Variants in CPNE3 observed in about 807,000 individuals in gnomAD.
CPNE3 encodes copine-3.
In CPNE3, 68 loss-of-function variants were observed where a neutral mutation model predicts 63.9. The ratio of observed to expected loss-of-function variants is 1.06; its 90% CI spans 0.87 to 1.30. The LOEUF (loss-of-function observed/expected upper bound fraction) is 1.30, where lower values mean the gene tolerates loss of function less well. Among genes scored for constraint, CPNE3 ranks in the 50% most tolerant of loss-of-function variants. The probability of loss-of-function intolerance (pLI) is 0.00; values close to 1 mark genes in which losing one functional copy is unlikely to be tolerated. For synonymous variants in CPNE3, 219 were observed against 197.5 expected (o/e 1.11, Z -0.91); for missense variants, 665 against 578.1 (o/e 1.15, Z -1.54).
At chr8:86,534,971 C>A (rs1465502929) in intron 6 of CPNE3, among the ~76,000 whole-genome samples, 1 of 152,182 alleles carries the variant, frequency 6.6e-6, no homozygotes, top group African/African-American at 2.4e-5. Context: ...TAATGGATTA[C>A]TTCTCATAGA....
chr8:86,541,724 A>C (rs1820946519), intron 8 of CPNE3, among the ~76,000 whole-genome samples: 2 of 150,812 alleles, frequency 1.3e-5, no homozygotes, highest in African/African-American at 4.9e-5. Context: ...AAAAAAAAAA[A>C]CTGCTTCATT....
At chr8:86,538,132 T>C (rs897459492) in intron 7 of CPNE3, among the ~76,000 whole-genome samples, 9 of 152,204 alleles carry the variant, frequency 5.9e-5, no homozygotes, top group Non-Finnish European at 1.0e-4. Flanking sequence ...CCCAGCACTT[T>C]GGGAAGCCAA....
chr8:86,530,270 A>G (rs1365989232), intron 4 of CPNE3, among the ~76,000 whole-genome samples: 1 of 151,730 alleles, frequency 6.6e-6, no homozygotes, highest in Non-Finnish European at 1.5e-5. Flanking sequence ...CCCGGGTTCA[A>G]GTGATCCTCC....
chr8:86,546,000 A>T (rs1317772844), intron 9 of CPNE3, among the ~76,000 whole-genome samples: 1 of 152,122 alleles, frequency 6.6e-6, no homozygotes, highest in Non-Finnish European at 1.5e-5. Flanking sequence ...CTAAAGATGG[A>T]TAGGGGGATA....
At chr8:86,547,810 T>A (rs749057978) in intron 11 of CPNE3, 40 bp downstream of exon 11, 7 of 920,746 alleles carry the variant, frequency 7.6e-6, no homozygotes, top group Non-Finnish European at 1.1e-5. Flanking sequence ...GGCTTTTTCC[T>A]CCATGTTGCA....
Position 86,548,318 on chromosome 8 carries a change from T to C in CPNE3, c.897T>C (p.Thr299=), listed in dbSNP as rs757425981. Residue 299 remains threonine, a synonymous_variant, in exon 12 of 17, where the codon ACT becomes ACC. Transcript: ENST00000517490. ...QLNFTVGVDF[T]GSNGDPRSPD... ...TTTGGCAGGTGGGAGTGGACTTCAC[T>C]GGCTCCAATGGTGACCCAAGGTCTC... 2.6e-5 allele frequency: 42 copies of C among 1,614,092 alleles called. No homozygotes were observed. The highest frequency in any genetic ancestry group is 3.3e-5 in the Non-Finnish European group (39 of 1,179,994).
chr8:86,545,901 T>C (rs1373391568), intron 9 of CPNE3, among the ~76,000 whole-genome samples: 1 of 152,160 alleles, frequency 6.6e-6, no homozygotes, highest in African/African-American at 2.4e-5. Context: ...AAATTTCATA[T>C]AGTTGTAGAA....
chr8:86,529,511 C>T (rs1820623065), intron 4 of CPNE3, among the ~76,000 whole-genome samples: 1 of 152,094 alleles, frequency 6.6e-6, no homozygotes, highest in Admixed American at 6.6e-5. Flanking sequence ...CTCGCAATGC[C>T]CCAATACCAT....
intron 8 of CPNE3, among the ~76,000 whole-genome samples, chr8:86,544,431 C>T (rs1239337591): frequency 1.3e-5 from 2 of 152,124 alleles, no homozygotes; most frequent in Non-Finnish European, 2.9e-5. Context: ...TGCCCTTTAT[C>T]AGCACTTATA....
intron 14 of CPNE3, among the ~76,000 whole-genome samples, chr8:86,552,932 C>CG (rs1199102158): frequency 1.4e-4 from 15 of 105,236 alleles, no homozygotes; most frequent in Non-Finnish European, 1.8e-4. Context: ...CTCCTCCTCC[C>CG]GGGTTCAAGC....
intron 14 of CPNE3, among the ~76,000 whole-genome samples, chr8:86,553,154 G>A (rs1021960563): frequency 6.6e-5 from 10 of 151,734 alleles, no homozygotes; most frequent in Non-Finnish European, 1.2e-4. Context: ...ATGAGCCACC[G>A]TGCCCAGCCC....
chr8:86,557,658 G>A (rs1007027212), intron 16 of CPNE3, among the ~76,000 whole-genome samples: 2 of 152,156 alleles, frequency 1.3e-5, no homozygotes, highest in African/African-American at 4.8e-5. Flanking sequence ...TCTTTGTGGT[G>A]TTGAGGCAGT....
chr8:86,539,135 CAG>C (rs1366394854), intron 7 of CPNE3, among the ~76,000 whole-genome samples: 1 of 152,126 alleles, frequency 6.6e-6, no homozygotes, highest in Non-Finnish European at 1.5e-5. Context: ...ATTGTTATAA[CAG>C]TGTATGCTTT....
At position 86,528,929 on chromosome 8, in the gene CPNE3, T is replaced by C. The variant is rs755709845; in HGVS notation, c.133-16T>C. On this transcript the variant is annotated splice_polypyrimidine_tract_variant and intron_variant, in intron 3 of 16. Transcript: ENST00000517490. The stretch of plus-strand genomic sequence containing the variant: ...TTGATCTGAAGAAACTTTTTTGTTT[T>C]TGCGGATGGGTGTAGGTTGAGCGCA... 1.3e-6 allele frequency: 2 copies of C among 1,591,268 alleles called. No homozygotes were observed. The highest frequency in any genetic ancestry group is 1.7e-6 in the Non-Finnish European group (2 of 1,171,256).
rs771960313 is a variant in CPNE3, at chr8:86,529,100, G to A, written c.288G>A (p.Gly96=). 2 of 1,613,464 alleles carry A rather than the reference G, an allele frequency of 1.2e-6. No homozygotes were observed. The highest frequency in any genetic ancestry group is 1.7e-6 in the Non-Finnish European group (2 of 1,179,700). Residue 96 remains glycine (G), a synonymous_variant, in exon 4 of 17, where the codon GGG becomes GGA. Coordinates refer to ENST00000517490, the MANE Select transcript of CPNE3 (RefSeq NM_003909.5). The stretch of plus-strand genomic sequence containing the variant: ...AGCTGAGTGATGATGACTTCTTAGG[G>A]GAATGTGAATGTACCCTTGGACAAG... The part of the protein sequence containing the change: ...TIELSDDDFL[G]ECECTLGQIV...
chr8:86,552,940 A>G (rs1325885710), intron 14 of CPNE3, among the ~76,000 whole-genome samples: 2 of 99,290 alleles, frequency 2.0e-5, no homozygotes, highest in Admixed American at 1.5e-4. Flanking sequence ...CCCGGGTTCA[A>G]GCAATTCTCC....
chr8:86,520,682 C>T (rs1456555629), intron 2 of CPNE3, among the ~76,000 whole-genome samples: 17 of 123,880 alleles, frequency 1.4e-4, no homozygotes, highest in African/African-American at 3.8e-4. Flanking sequence ...TTTTTTGAGA[C>T]GGAGTCTTGC....
In CPNE3 at chr8:86,561,289, A is replaced by G. The variant is rs957921911; in HGVS notation, c.*2879A>G. 7.2e-5 allele frequency: 11 copies of G among 152,234 alleles called. No homozygotes were observed. The highest frequency in any genetic ancestry group is 1.5e-4 in the Non-Finnish European group (10 of 68,052). The allele number at this position is 152,234 out of a possible 1,614,324, so 9.4% of individuals were successfully genotyped here. On this transcript the variant is annotated 3_prime_UTR_variant, in exon 17 of 17. Transcript: ENST00000517490. ...CCAGAAGTTTGATGGAACGTGTTAG[A>G]AACTGTTTTGTGCTTTTATGGATGT...
In CPNE3 at chr8:86,558,341, G is replaced by C. The variant is rs761917072; in HGVS notation, c.1545G>C (p.Val515=). 10 of 872,804 alleles carry C rather than the reference G, an allele frequency of 1.1e-5. No homozygotes were observed. Among genetic ancestry groups the C allele is most frequent in the South Asian group, 5.2e-5 (4 of 76,540 alleles). The allele number at this position is 872,804 out of a possible 1,614,324, so 54.1% of individuals were successfully genotyped here. The change falls in exon 17 of 17, where the codon GTG becomes GTC. Residue 515 remains valine, a synonymous_variant. Coordinates refer to ENST00000517490, the MANE Select transcript of CPNE3 (RefSeq NM_003909.5). ...QCVLAEIPQQ[V]VGYFNTYKLL... is the part of the protein sequence containing the mutation. ...TCTTGGCAGAGATTCCCCAGCAGGT[G>C]GTGGGCTACTTCAATACATACAAAC...
Sources: gnomAD v4.1 joint callset for allele counts (sites outside exome capture counted in the v4.1 genomes callset) on GRCh38, gnomAD v4.1.1 for gene constraint, MANE v1.5 for transcripts, NCBI Gene and HGNC (gene_info 2026-07-23, HGNC 2026-07-21) for gene names.